ZC3H7B: variants seen among roughly 807,000 people sequenced by gnomAD.
The protein encoded by ZC3H7B is zinc finger CCCH-type containing 7B.
ZC3H7B carries 35 observed loss-of-function variants against 116.0 expected under a neutral mutation model. The ratio of observed to expected loss-of-function variants is 0.30; its 90% CI spans 0.23 to 0.40. ZC3H7B has a LOEUF of 0.40. Ranked by LOEUF, ZC3H7B falls within the 10% of genes least tolerant of loss-of-function variation. The pLI is 1.00. For synonymous variants in ZC3H7B, 502 were observed against 545.6 expected (o/e 0.92, Z 1.11); for missense variants, 1,011 against 1,321.5 (o/e 0.77, Z 3.64).
chr22:41,354,812 G>T (rs1173380545), intron 17 of ZC3H7B, among the ~76,000 whole-genome samples: 1 of 152,124 alleles, frequency 6.6e-6, no homozygotes, highest in Non-Finnish European at 1.5e-5. Flanking sequence ...GTGGTGGGTG[G>T]GGCCTTAGAG....
chr22:41,328,934 C>T (rs2036348252), intron 5 of ZC3H7B, among the ~76,000 whole-genome samples: 1 of 151,522 alleles, frequency 6.6e-6, no homozygotes, highest in South Asian at 2.1e-4. Context: ...CGCCTGTAAT[C>T]CCAACACTTT....
At chr22:41,343,904 C>T (rs998836373) in intron 13 of ZC3H7B, among the ~76,000 whole-genome samples, 1 of 152,066 alleles carries the variant, frequency 6.6e-6, no homozygotes, top group Non-Finnish European at 1.5e-5. Flanking sequence ...CACTGTAGGG[C>T]CCTGAGGGGC....
At chr22:41,323,830 G>A (rs112197035) in intron 2 of ZC3H7B, among the ~76,000 whole-genome samples, 4,996 of 152,260 alleles carry the variant, frequency 0.033, 255 homozygotes, top group African/African-American at 0.11. Flanking sequence ...CAGCACTTTG[G>A]GAGGCCAAGG....
chr22:41,355,165 AAC>A (rs1290807509), intron 17 of ZC3H7B, among the ~76,000 whole-genome samples: 1 of 152,208 alleles, frequency 6.6e-6, no homozygotes, highest in East Asian at 1.9e-4. Flanking sequence ...AGCCTGTACA[AAC>A]GCAGGGAGGT....
At chr22:41,328,126 C>CT (rs2036340235) in intron 5 of ZC3H7B, among the ~76,000 whole-genome samples, 1 of 150,328 alleles carries the variant, frequency 6.7e-6, no homozygotes, top group South Asian at 2.1e-4. Flanking sequence ...AAGAGCTTGT[C>CT]TATTAAAAAA....
chr22:41,321,330 C>T (rs2036254024), intron 2 of ZC3H7B, among the ~76,000 whole-genome samples: 1 of 151,770 alleles, frequency 6.6e-6, no homozygotes. Context: ...ATTCTCCTGC[C>T]TCAGCCTCTC....
intron 17 of ZC3H7B, among the ~76,000 whole-genome samples, chr22:41,354,068 CCTG>C (rs2036683990): frequency 6.6e-6 from 1 of 152,172 alleles, no homozygotes; most frequent in Admixed American, 6.5e-5. Flanking sequence ...CCTCTTGCCA[CCTG>C]CTATGGCAAG....
intron 1 of ZC3H7B, among the ~76,000 whole-genome samples, chr22:41,318,528 C>CAAAAAA (rs61267547): frequency 2.2e-5 from 2 of 92,346 alleles, no homozygotes; most frequent in African/African-American, 8.9e-5. Flanking sequence ...GACTCCGCCT[C>CAAAAAA]AAAAAAAAAA....
At chr22:41,344,459 C>A (rs750827425) in intron 13 of ZC3H7B, among the ~76,000 whole-genome samples, 1 of 152,210 alleles carries the variant, frequency 6.6e-6, no homozygotes, top group African/African-American at 2.4e-5. Context: ...CCTAACCATT[C>A]CCCAAATGCA....
chr22:41,314,611 A>G (rs1378320515), intron 1 of ZC3H7B, among the ~76,000 whole-genome samples: 1 of 138,542 alleles, frequency 7.2e-6, no homozygotes, highest in Non-Finnish European at 1.6e-5. Flanking sequence ...TTATTTTTTT[A>G]TTTTATTTTA....
intron 17 of ZC3H7B, among the ~76,000 whole-genome samples, chr22:41,354,526 C>T (rs931214053): frequency 4.6e-5 from 7 of 152,072 alleles, no homozygotes; most frequent in Non-Finnish European, 1.0e-4. Context: ...TGGGGGAGTT[C>T]CTATGGCAGG....
At chr22:41,326,308 C>T (rs1263575761) in intron 4 of ZC3H7B, among the ~76,000 whole-genome samples, 1 of 151,632 alleles carries the variant, frequency 6.6e-6, no homozygotes, top group Non-Finnish European at 1.5e-5. Context: ...TCCATAGCCT[C>T]AGCCTCCTCA....
rs1306244525 is a variant in ZC3H7B at position 41,302,731 on chromosome 22, A to G, written c.-7+959A>G. On this transcript the variant is annotated intron_variant, in intron 1 of 22. Coordinates refer to ENST00000352645, the MANE Select transcript of ZC3H7B (RefSeq NM_017590.6). This position sits in a 1 kb window ranked among gnomAD's most constrained non-coding sequence, Gnocchi z 5.7. The stretch of plus-strand genomic sequence containing the variant: ...AGACAAAGCCGTCTTCCCAGGGGGG[A>G]AAATAATCATATAAAAACAGCTCAC... 6.6e-6 allele frequency among the ~76,000 whole-genome samples: 1 copy of G among 152,016 alleles called. No individual in the cohort carries two copies. The highest frequency in any genetic ancestry group is 1.9e-4 in the East Asian group (1 of 5,160).
Position 41,327,238 on chromosome 22 carries a change from G to A in ZC3H7B, c.318G>A (p.Glu106=), listed in dbSNP as rs1228073238. The A allele has an allele frequency of 1.2e-6, 2 of 1,614,084 alleles. No individual in the cohort carries two copies. Among genetic ancestry groups the A allele is most frequent in the African/African-American group, 1.3e-5 (1 of 75,076 alleles). Residue 106 remains glutamate (E), a synonymous_variant, in exon 5 of 23, where the codon GAG becomes GAA. Transcript: ENST00000352645. The surrounding 1 kb of genome is among the most constrained non-coding windows in gnomAD (Gnocchi z 4.5). ...GLYEKALEDS[E]KALGLDSESI... is the part of the protein sequence containing the mutation. ...ATGAGAAGGCGCTGGAGGACAGCGA[G>A]AAGGCGCTGGGCCTGGACAGTGAGA...
At chr22:41,305,014 C>T (rs936280494) in intron 1 of ZC3H7B, among the ~76,000 whole-genome samples, 6 of 152,128 alleles carry the variant, frequency 3.9e-5, no homozygotes, top group African/African-American at 1.4e-4. Context: ...GAGTTCGAGA[C>T]CAGACCTGGC....
intron 7 of ZC3H7B, 165 bp downstream of exon 7, chr22:41,332,392 C>T: frequency 1.2e-6 from 1 of 817,258 alleles, no homozygotes. Context: ...CAGGCCATGG[C>T]TGCTGTTGGC....
intron 14 of ZC3H7B, among the ~76,000 whole-genome samples, chr22:41,347,484 T>C (rs1196477105): frequency 6.6e-6 from 1 of 152,132 alleles, no homozygotes; most frequent in Non-Finnish European, 1.5e-5. Flanking sequence ...CCCAAAGCTG[T>C]CCCTGAAGAC....
chr22:41,305,415 C>T (rs955459578), intron 1 of ZC3H7B, among the ~76,000 whole-genome samples: 16 of 151,444 alleles, frequency 1.1e-4, no homozygotes, highest in Non-Finnish European at 2.2e-4. Context: ...GAGGCTGAGG[C>T]AGGAGAATCT....
intron 1 of ZC3H7B, among the ~76,000 whole-genome samples, chr22:41,312,528 T>C (rs1807777259): frequency 6.6e-6 from 1 of 151,864 alleles, no homozygotes; most frequent in South Asian, 2.1e-4. Context: ...AGGTCAAGGC[T>C]GAAGTGAGCC....
Sources: gnomAD v4.1 joint callset for allele counts (sites outside exome capture counted in the v4.1 genomes callset) on GRCh38, gnomAD v4.1.1 for gene constraint, Gnocchi (gnomAD v3.1) non-coding constraint, MANE v1.5 for transcripts, NCBI Gene and HGNC (gene_info 2026-07-23, HGNC 2026-07-21) for gene names.